Variants in BBS4 observed in about 807,000 individuals in gnomAD.
The protein encoded by BBS4 is Bardet-Biedl syndrome 4.
BBS4 carries 58 observed loss-of-function variants against 71.4 expected under a neutral mutation model. The ratio of observed to expected loss-of-function variants is 0.81; its 90% confidence interval spans 0.66 to 1.01. BBS4 has a LOEUF of 1.01. BBS4 is among the 50% of genes least tolerant of loss of function. The pLI is 0.00. For missense variants in BBS4, 660 were observed against 607.9 expected, an observed-to-expected ratio of 1.09 and a Z score of -0.90; for synonymous variants, 228 against 216.8, an observed-to-expected ratio of 1.05 and a Z score of -0.46.
rs12324395 is a variant in BBS4 at position 72,736,034 on chromosome 15, G to A, written c.1248+68G>A. On this transcript the variant is annotated intron_variant, in intron 14 of 15. Transcript: ENST00000268057. ...AGGAGACTTTTAAAAATCAAGCCCA[G>A]ATCATCCAAATCCAAGGTATTACAC... 0.99 allele frequency: 1,570,513 copies of A among 1,582,350 alleles called. 780,111 individuals carry two copies. The highest frequency in any genetic ancestry group is 1 in the East Asian group (44,634 of 44,634).
intron 5 of BBS4, among the ~76,000 whole-genome samples, chr15:72,715,910 AGTATT>A (rs2065460883): frequency 6.6e-6 from 1 of 152,206 alleles, no homozygotes; most frequent in Non-Finnish European, 1.5e-5. Context: ...TTTTCAGTAT[AGTATT>A]CAGTAAATTA....
intron 6 of BBS4, among the ~76,000 whole-genome samples, chr15:72,718,499 T>A (rs2065506802): frequency 6.6e-6 from 1 of 152,224 alleles, no homozygotes; most frequent in Admixed American, 6.5e-5. Context: ...AGCATGGATT[T>A]CCTTTGCAGT....
At chr15:72,701,874 T>C (rs746620542) in intron 2 of BBS4, among the ~76,000 whole-genome samples, 4 of 152,330 alleles carry the variant, frequency 2.6e-5, no homozygotes, top group Admixed American at 1.3e-4. Flanking sequence ...AGTCTTGCTC[T>C]GTCGCCAGGC....
At chr15:72,728,954 CTTGGGAGG>C (rs2065753379) in intron 9 of BBS4, among the ~76,000 whole-genome samples, 1 of 152,080 alleles carries the variant, frequency 6.6e-6, no homozygotes, top group African/African-American at 2.4e-5. Context: ...TGGGCTTTGG[CTTGGGAGG>C]TTGGCTCCAC....
chr15:72,688,250 CTTTTG>C (rs1192813022), intron 1 of BBS4, among the ~76,000 whole-genome samples: 1 of 151,734 alleles, frequency 6.6e-6, no homozygotes, highest in Non-Finnish European at 1.5e-5. Context: ...AAGAGAATAG[CTTTTG>C]TTTCGATATG....
chr15:72,696,184 T>G (rs1430382073), intron 2 of BBS4, among the ~76,000 whole-genome samples: 1 of 152,212 alleles, frequency 6.6e-6, no homozygotes, highest in African/African-American at 2.4e-5. Context: ...TGCATATACA[T>G]TTAGGATTGT....
chr15:72,686,634 C>G lies in BBS4; in HGVS notation c.24+383C>G. On this transcript the variant is annotated intron_variant, in intron 1 of 15. Coordinates refer to ENST00000268057, the MANE Select transcript of BBS4 (RefSeq NM_033028.5). ...ATTGGGAATTTAACATGCCTGGAAG[C>G]TTGCAGCGTCACTGCCTTCTGCCAG... 6.0e-6 allele frequency: 7 copies of G among 1,174,350 alleles called. No individual in the cohort carries two copies. The South Asian group carries it at 8.9e-5, about 15-fold the overall frequency. 72.7% of individuals were successfully genotyped at this position (1,174,350 alleles called of 1,614,324 possible).
chr15:72,736,699 A>G (rs562722028), intron 14 of BBS4, 63 bp from the exon 15 acceptor site: 1 of 1,539,928 alleles, frequency 6.5e-7, no homozygotes, highest in South Asian at 1.1e-5. Context: ...AGACCAAAGA[A>G]GTGGGTTGGC....
chr15:72,735,852 T>C lies in BBS4; in HGVS notation c.1134T>C (p.Tyr378=). 6.2e-7 allele frequency: 1 copy of C among 1,614,174 alleles called. No individual in the cohort carries two copies. The highest frequency in any genetic ancestry group is 1.7e-5 in the Admixed American group (1 of 60,024). The change falls in exon 14 of 16, where the codon TAT becomes TAC. Residue 378 remains tyrosine (Y), a synonymous_variant. Transcript: ENST00000268057. ...DKCNPLVNLN[Y]AVLLYNQGEK... is the part of the protein sequence containing the mutation. ...GTAACCCTTTAGTAAACCTGAACTA[T>C]GCTGTGCTGCTGTACAACCAGGGCG...
intron 2 of BBS4, among the ~76,000 whole-genome samples, chr15:72,696,725 A>G (rs1268890823): frequency 1.3e-5 from 2 of 151,920 alleles, no homozygotes; most frequent in Non-Finnish European, 1.5e-5. Flanking sequence ...AGCTGGGTCT[A>G]CAGGTGCATG....
At chr15:72,730,291 A>C (rs2065788629) in intron 10 of BBS4, among the ~76,000 whole-genome samples, 1 of 151,200 alleles carries the variant, frequency 6.6e-6, no homozygotes, top group Non-Finnish European at 1.5e-5. Flanking sequence ...AAAAAAAAAA[A>C]ATAAAAAATA....
intron 3 of BBS4, 93 bp downstream of exon 3, chr15:72,709,872 C>A: frequency 9.6e-7 from 1 of 1,046,470 alleles, no homozygotes; most frequent in Non-Finnish European, 1.5e-6. Context: ...GTTTATATCT[C>A]AGTGATAAAA....
chr15:72,690,588 G>C (rs927710010), intron 1 of BBS4, among the ~76,000 whole-genome samples: 1 of 152,124 alleles, frequency 6.6e-6, no homozygotes, highest in African/African-American at 2.4e-5. Flanking sequence ...CAGTTTTGTT[G>C]AGGTATAATA....
intron 6 of BBS4, among the ~76,000 whole-genome samples, chr15:72,720,454 T>G (rs1005727879): frequency 1.3e-5 from 2 of 149,852 alleles, no homozygotes; most frequent in Non-Finnish European, 1.5e-5. Flanking sequence ...GTCACTGCAC[T>G]TCAGCATGGA....
Position 72,712,634 on chromosome 15 carries a change from A to G in BBS4, c.220+327A>G, listed in dbSNP as rs192991307. On this transcript the variant is annotated intron_variant, in intron 4 of 15. Coordinates refer to ENST00000268057, the MANE Select transcript of BBS4 (RefSeq NM_033028.5). Reference sequence around the variant, plus strand: ...GTGGTAAGTGTATCTAAACATAGAAAAGGTACTGTAAAAATATGGTATAAA... The same window carrying G: ...GTGGTAAGTGTATCTAAACATAGAAGAGGTACTGTAAAAATATGGTATAAA... Among the ~76,000 whole-genome samples, 8 of 152,306 alleles carry G rather than the reference A, an allele frequency of 5.3e-5. No individual in the cohort carries two copies. In the East Asian group the frequency reaches 1.2e-3, roughly 22 times the overall value.
chr15:72,698,512 A>AT (rs1229493607), intron 2 of BBS4, among the ~76,000 whole-genome samples: 1 of 152,116 alleles, frequency 6.6e-6, no homozygotes, highest in Non-Finnish European at 1.5e-5. Context: ...TGCCTGGCTT[A>AT]TTCCACTCAG....
chr15:72,724,740 A>G, intron 8 of BBS4, 85 bp downstream of exon 8: 1 of 1,533,036 alleles, frequency 6.5e-7, no homozygotes, highest in Non-Finnish European at 8.9e-7. Flanking sequence ...AAGAGTGAAT[A>G]TGTTTGATTA....
rs536110855 is a variant in BBS4, at chr15:72,703,574, T to C, written c.77-6126T>C. 2.6e-5 allele frequency among the ~76,000 whole-genome samples: 4 copies of C among 152,248 alleles called. No individual in the cohort carries two copies. The South Asian group carries it at 6.2e-4, about 24-fold the overall frequency. On this transcript the variant is annotated intron_variant, in intron 2 of 15. Coordinates refer to ENST00000268057, the MANE Select transcript of BBS4 (RefSeq NM_033028.5). ...AATGACTATTTTCAGATTCTTTGGA[T>C]TTTCGGGTGAAAATTTTAGGGGGGA...
At chr15:72,690,671 C>G (rs567161363) in intron 1 of BBS4, among the ~76,000 whole-genome samples, 125 of 152,324 alleles carry the variant, frequency 8.2e-4, no homozygotes, top group African/African-American at 2.9e-3. Flanking sequence ...AGTTGCACAG[C>G]TGTCATCAGA....
Sources: gnomAD v4.1 joint callset for allele counts (sites outside exome capture counted in the v4.1 genomes callset) on GRCh38, gnomAD v4.1.1 for gene constraint, MANE v1.5 for transcripts, NCBI Gene and HGNC (gene_info 2026-07-23, HGNC 2026-07-21) for gene names.